Variants in PTPN4 observed in about 807,000 individuals in gnomAD.
PTPN4 encodes the protein tyrosine-protein phosphatase non-receptor type 4.
A neutral mutation model predicts 135.5 loss-of-function variants in PTPN4; 49 were observed. The observed-to-expected ratio is 0.36, with a 90% CI of 0.29 to 0.46. The LOEUF (loss-of-function observed/expected upper bound fraction) is 0.46, where lower values mean the gene tolerates loss of function less well. Among genes scored for constraint, PTPN4 ranks in the 20% least tolerant of loss-of-function variants. The pLI is 1.00. For missense variants in PTPN4, 860 were observed against 1,101.0 expected (o/e 0.78, Z 3.10); for synonymous variants, 333 against 369.9 (o/e 0.90, Z 1.14).
rs774986752 is a variant in PTPN4, at chr2:119,932,451, A to G, written c.1098A>G (p.Lys366=). The G allele has an allele frequency of 1.9e-6, 3 of 1,611,440 alleles. No individual in the cohort carries two copies. Among genetic ancestry groups the G allele is most frequent in the East Asian group, 2.2e-5 (1 of 44,812 alleles). ...CCCCAAGTAAGCCCTTGGCACGGAAATTAATGGATTGGGAAGTAGTAAGCA... is the reference window on the plus strand; with the variant it reads ...CCCCAAGTAAGCCCTTGGCACGGAAGTTAATGGATTGGGAAGTAGTAAGCA... ...ARSPSKPLAR[K]LMDWEVVSRN... Residue 366 remains lysine (K), a synonymous_variant, in exon 14 of 27, where the codon AAA becomes AAG. Coordinates refer to ENST00000263708, the MANE Select transcript of PTPN4 (RefSeq NM_002830.4).
chr2:119,771,892 A>G (rs537924045), intron 1 of PTPN4, among the ~76,000 whole-genome samples: 25 of 152,316 alleles, frequency 1.6e-4, no homozygotes, highest in Non-Finnish European at 2.2e-4. Flanking sequence ...TTTGCCCTTT[A>G]TAATCTCCTT....
At chr2:119,951,871 T>A (rs1679216135) in intron 18 of PTPN4, 102 bp from the exon 19 acceptor site, 1 of 867,918 alleles carries the variant, frequency 1.2e-6, no homozygotes. Flanking sequence ...TTTCTATATG[T>A]AGTTTAGTTC....
intron 9 of PTPN4, among the ~76,000 whole-genome samples, chr2:119,894,570 A>G (rs1678290244): frequency 6.6e-6 from 1 of 152,230 alleles, no homozygotes; most frequent in Non-Finnish European, 1.5e-5. Context: ...ATGAATGTAT[A>G]AGCCTTTATG....
rs148569782 is a variant in PTPN4, at chr2:119,877,269, A to C, written c.247-54A>C. The C allele has an allele frequency of 3.8e-5, 60 of 1,566,208 alleles. 1 individual carries two copies. In the East Asian group the frequency reaches 1.3e-3, roughly 35 times the overall value. On this transcript the variant is annotated intron_variant, in intron 3 of 26. Coordinates refer to ENST00000263708, the MANE Select transcript of PTPN4 (RefSeq NM_002830.4). Reference sequence around the variant, plus strand: ...AAATGGAACAGATTTGCAAGAATCAATATAGTAGTTCCTCAAGGAAAAAAG... The same window carrying C: ...AAATGGAACAGATTTGCAAGAATCACTATAGTAGTTCCTCAAGGAAAAAAG...
chr2:119,910,713 C>T (rs1678558804), intron 10 of PTPN4, among the ~76,000 whole-genome samples: 1 of 152,072 alleles, frequency 6.6e-6, no homozygotes, highest in Admixed American at 6.6e-5. Flanking sequence ...TCTGGCATTT[C>T]CCCTGCTTGC....
intron 18 of PTPN4, among the ~76,000 whole-genome samples, chr2:119,950,820 G>A (rs760888531): frequency 1.2e-4 from 18 of 152,042 alleles, no homozygotes; most frequent in Non-Finnish European, 1.9e-4. Flanking sequence ...GTGCTATAGT[G>A]CAAGACTATA....
chr2:119,790,422 T>C (rs1483640862), intron 1 of PTPN4, among the ~76,000 whole-genome samples: 1 of 152,172 alleles, frequency 6.6e-6, no homozygotes, highest in Non-Finnish European at 1.5e-5. Flanking sequence ...TGCCCTTTTG[T>C]TCTTATACAA....
chr2:119,816,254 A>G (rs1422229692), intron 2 of PTPN4, among the ~76,000 whole-genome samples: 1 of 152,200 alleles, frequency 6.6e-6, no homozygotes, highest in Admixed American at 6.5e-5. Flanking sequence ...TGGTAAAGAT[A>G]CAGTATTAAA....
chr2:119,808,726 G>C (rs894177402), intron 1 of PTPN4, among the ~76,000 whole-genome samples: 10 of 152,032 alleles, frequency 6.6e-5, no homozygotes, highest in Non-Finnish European at 1.3e-4. Context: ...CCCAATCACT[G>C]TCTTTTAATT....
chr2:119,785,430 AAG>A (rs979713238), intron 1 of PTPN4, among the ~76,000 whole-genome samples: 63 of 152,304 alleles, frequency 4.1e-4, no homozygotes, highest in African/African-American at 1.4e-3. Flanking sequence ...CTGAATGACT[AAG>A]AGGTATATAA....
chr2:119,837,555 A>G (rs1050569940), intron 2 of PTPN4, among the ~76,000 whole-genome samples: 2 of 152,214 alleles, frequency 1.3e-5, no homozygotes, highest in African/African-American at 2.4e-5. Context: ...GAGGGAGGAC[A>G]AGAACTCTGG....
At chr2:119,830,017 G>GT (rs998913983) in intron 2 of PTPN4, among the ~76,000 whole-genome samples, 21 of 151,836 alleles carry the variant, frequency 1.4e-4, no homozygotes, top group Non-Finnish European at 2.9e-4. Flanking sequence ...ATCTTAGTAG[G>GT]TGTCAAGTGG....
Position 119,890,697 on chromosome 2 carries a change from T to C in PTPN4, c.675+4815T>C, listed in dbSNP as rs182902659. ...TCTTTACCCATTAAGTTTTATACTT[T>C]TGTGTGTTTTCATGATGGTAAATGT... On this transcript the variant is annotated intron_variant, in intron 9 of 26. Transcript: ENST00000263708. 2.6e-5 allele frequency among the ~76,000 whole-genome samples: 4 copies of C among 152,330 alleles called. No individual in the cohort carries two copies. In the East Asian group the frequency reaches 7.7e-4, roughly 29 times the overall value.
chr2:119,933,766 G>T (rs1678942606), intron 14 of PTPN4, among the ~76,000 whole-genome samples: 1 of 151,972 alleles, frequency 6.6e-6, no homozygotes, highest in East Asian at 1.9e-4. Context: ...AAACAGTTTG[G>T]TTCACAGAGC....
intron 2 of PTPN4, among the ~76,000 whole-genome samples, chr2:119,845,302 A>G (rs1312627144): frequency 9.2e-6 from 1 of 109,170 alleles, no homozygotes; most frequent in South Asian, 3.3e-4. Context: ...GGGAGAGGGC[A>G]TTTTTCTTTA....
intron 26 of PTPN4, among the ~76,000 whole-genome samples, chr2:119,969,390 A>G (rs1469014097): frequency 1.3e-5 from 2 of 152,148 alleles, no homozygotes; most frequent in African/African-American, 2.4e-5. Context: ...CACATTTGCC[A>G]TATTGTTTCA....
intron 18 of PTPN4, among the ~76,000 whole-genome samples, chr2:119,949,211 C>A (rs1679177593): frequency 6.6e-6 from 1 of 151,916 alleles, no homozygotes; most frequent in Admixed American, 6.6e-5. Flanking sequence ...TAAATATTGG[C>A]TGGAATTTAG....
chr2:119,961,049 A>T (rs948207648), intron 23 of PTPN4, 96 bp downstream of exon 23: 45 of 1,342,774 alleles, frequency 3.4e-5, no homozygotes, highest in Middle Eastern at 4.3e-4. Flanking sequence ...AAGCCTTTGT[A>T]ACCTTTAATC....
intron 1 of PTPN4, among the ~76,000 whole-genome samples, chr2:119,796,860 T>TTGTGTGTGTG (rs112883330): frequency 6.8e-5 from 10 of 147,542 alleles, no homozygotes; most frequent in African/African-American, 2.2e-4. Context: ...GTCACTGTTT[T>TTGTGTGTGTG]TGTGTGTGTG....
Sources: gnomAD v4.1 joint callset for allele counts (sites outside exome capture counted in the v4.1 genomes callset) on GRCh38, gnomAD v4.1.1 for gene constraint, MANE v1.5 for transcripts, NCBI Gene and HGNC (gene_info 2026-07-23, HGNC 2026-07-21) for gene names.